Variants in NFASC observed in about 807,000 individuals in gnomAD.
The protein encoded by NFASC is neurofascin homolog.
In NFASC, 43 loss-of-function variants were observed where a neutral mutation model predicts 147.5. The ratio of observed to expected loss-of-function variants is 0.29; its 90% CI spans 0.23 to 0.38. NFASC has a LOEUF of 0.38. NFASC is among the 10% of genes least tolerant of loss of function. The pLI, the probability that NFASC is intolerant of heterozygous loss-of-function variation, is 1.00. For synonymous variants in NFASC, 622 were observed against 665.5 expected (o/e 0.93, Z 1.01); for missense variants, 1,320 against 1,689.0 (o/e 0.78, Z 3.83).
At chr1:204,983,729 G>C (rs934839320) in intron 21 of NFASC, among the ~76,000 whole-genome samples, 3 of 152,182 alleles carry the variant, frequency 2.0e-5, no homozygotes, top group Non-Finnish European at 2.9e-5. Context: ...GACGGAGCAG[G>C]GTGAGGAAGG....
intron 21 of NFASC, chr1:204,984,111 A>T: frequency 6.2e-7 from 1 of 1,614,104 alleles, no homozygotes; most frequent in African/African-American, 1.3e-5. Flanking sequence ...GTCTACTCCG[A>T]CACGGTCCAG....
chr1:204,973,196 G>A (rs1456999920), intron 11 of NFASC, 80 bp from the exon 12 acceptor site: 2 of 1,511,866 alleles, frequency 1.3e-6, no homozygotes, highest in Non-Finnish European at 1.8e-6. Flanking sequence ...CTTGTTCCTG[G>A]GAGCCCTGGC....
At position 204,979,248 on chromosome 1, in the gene NFASC, GCCTT is replaced by G; in HGVS notation, c.1979-113_1979-110del. The G allele has an allele frequency of 9.7e-7, 1 of 1,036,230 alleles. No homozygotes were observed. Among genetic ancestry groups the G allele is most frequent in the Non-Finnish European group, 1.5e-6 (1 of 669,768 alleles). 64.2% of individuals were successfully genotyped at this position (1,036,230 alleles called of 1,614,324 possible). A position where few individuals can be genotyped will look rare whatever the true frequency, so the allele number is the denominator to read the frequency against. ...GTGCCTTGGGAAGAATTCTCCTTGT[GCCTT>G]TGTGTGAGAGAGATTATAAAGATCA... On this transcript the variant is annotated intron_variant, in intron 18 of 29. Coordinates refer to ENST00000339876, the MANE Select transcript of NFASC (RefSeq NM_001005388.3). This position sits in a 1 kb window ranked among gnomAD's most constrained non-coding sequence, Gnocchi z 6.0.
intron 10 of NFASC, among the ~76,000 whole-genome samples, chr1:204,969,379 A>C (rs2095125698): frequency 6.6e-6 from 1 of 152,106 alleles, no homozygotes; most frequent in Non-Finnish European, 1.5e-5. Flanking sequence ...CTGCTTTTTA[A>C]AACTGGGGAG....
At chr1:204,898,209 A>G (rs1489204488) in intron 1 of NFASC, among the ~76,000 whole-genome samples, 4 of 152,376 alleles carry the variant, frequency 2.6e-5, no homozygotes, top group African/African-American at 7.2e-5. Context: ...GAACCGCTGC[A>G]TTAAGGTCAT....
At chr1:204,842,678 C>T (rs1008628561) in intron 1 of NFASC, among the ~76,000 whole-genome samples, 1 of 152,378 alleles carries the variant, frequency 6.6e-6, no homozygotes, top group Non-Finnish European at 1.5e-5. Context: ...TTTATTCCCA[C>T]TGACCTGTGG....
chr1:204,882,393 G>A (rs570995717), intron 1 of NFASC, among the ~76,000 whole-genome samples: 1 of 152,204 alleles, frequency 6.6e-6, no homozygotes, highest in African/African-American at 2.4e-5. Flanking sequence ...TAGCCTTGGG[G>A]CCTTTCCTTT....
chr1:205,017,411 C>T lies in NFASC; in HGVS notation c.*872C>T, dbSNP rs1247718754. On this transcript the variant is annotated 3_prime_UTR_variant, in exon 30 of 30. Transcript: ENST00000339876. ...CTTCAACGCCAGTGACTGTGTACCT[C>T]CAGCAGAAGAAAATCAGGTGTCTGG... The T allele has an allele frequency of 6.5e-6, 1 of 152,882 alleles. No homozygotes were observed. Among genetic ancestry groups the T allele is most frequent in the African/African-American group, 2.4e-5 (1 of 41,454 alleles). 9.5% of individuals were successfully genotyped at this position (152,882 alleles called of 1,614,324 possible).
intron 1 of NFASC, among the ~76,000 whole-genome samples, chr1:204,840,319 T>C (rs887700452): frequency 2.0e-5 from 3 of 152,174 alleles, no homozygotes; most frequent in Non-Finnish European, 2.9e-5. Context: ...CTGTACCAAA[T>C]AAATTGCAAT....
intron 15 of NFASC, among the ~76,000 whole-genome samples, 171 bp from the exon 16 acceptor site, chr1:204,976,500 G>C (rs901766272): frequency 1.6e-4 from 24 of 152,186 alleles, no homozygotes; most frequent in African/African-American, 5.3e-4. Flanking sequence ...GAGTGCTCCA[G>C]GTGACTGTGA....
chr1:204,859,930 G>T (rs2102823935), intron 1 of NFASC, among the ~76,000 whole-genome samples: 1 of 152,316 alleles, frequency 6.6e-6, no homozygotes, highest in Non-Finnish European at 1.5e-5. Flanking sequence ...TTCCTGATGT[G>T]TTGGTTTCCT....
intron 2 of NFASC, among the ~76,000 whole-genome samples, chr1:204,922,715 A>T (rs781192347): frequency 6.6e-6 from 1 of 152,120 alleles, no homozygotes; most frequent in Non-Finnish European, 1.5e-5. Flanking sequence ...GGCACCCACA[A>T]ATCATGAAGG....
chr1:204,936,122 ATTTTCG>A (rs2092802456), intron 2 of NFASC, among the ~76,000 whole-genome samples: 1 of 150,426 alleles, frequency 6.6e-6, no homozygotes, highest in African/African-American at 2.4e-5. Context: ...CCCCTGAGTC[ATTTTCG>A]GAAAACCCAC....
intron 8 of NFASC, among the ~76,000 whole-genome samples, chr1:204,966,320 T>C (rs972425686): frequency 1.3e-5 from 2 of 152,094 alleles, no homozygotes; most frequent in Non-Finnish European, 1.5e-5. Flanking sequence ...AAATTAAACG[T>C]CCATAGGGTC....
At chr1:204,983,775 C>T (rs1249026104) in intron 21 of NFASC, among the ~76,000 whole-genome samples, 2 of 152,180 alleles carry the variant, frequency 1.3e-5, no homozygotes, top group South Asian at 4.1e-4. Context: ...TGGAAACTAC[C>T]CAGCACAGGA....
intron 1 of NFASC, among the ~76,000 whole-genome samples, chr1:204,898,795 T>G (rs2083913437): frequency 6.6e-6 from 1 of 152,180 alleles, no homozygotes; most frequent in Admixed American, 6.5e-5. Flanking sequence ...CCCGTGTAGT[T>G]CATTGATTTC....
Position 204,968,592 on chromosome 1 carries a change from G to T in NFASC, c.819-206G>T, listed in dbSNP as rs573619589. ...AGGTGATTAGGCATCCCGTAGATGCGTTAGAATCTCGTGGGACCTTAGCTA... is the reference window on the plus strand; with the variant it reads ...AGGTGATTAGGCATCCCGTAGATGCTTTAGAATCTCGTGGGACCTTAGCTA... On this transcript the variant is annotated intron_variant, in intron 9 of 29. Coordinates refer to ENST00000339876, the MANE Select transcript of NFASC (RefSeq NM_001005388.3). This position sits in a 1 kb window ranked among gnomAD's most constrained non-coding sequence, Gnocchi z 5.4. The T allele has an allele frequency of 3.2e-6, 2 of 617,132 alleles. No individual in the cohort carries two copies. Among genetic ancestry groups the T allele is most frequent in the South Asian group, 2.0e-5 (1 of 49,902 alleles). 38.2% of individuals were successfully genotyped at this position (617,132 alleles called of 1,614,324 possible).
chr1:204,987,640 A>C lies in NFASC; in HGVS notation c.2593+100A>C. 1 of 1,426,612 alleles carries C rather than the reference A, an allele frequency of 7.0e-7. No individual in the cohort carries two copies. The highest frequency in any genetic ancestry group is 1.7e-5 in the Admixed American group (1 of 57,248). 88.4% of individuals were successfully genotyped at this position (1,426,612 alleles called of 1,614,324 possible). ...CTCAAGGTAGAAAGCCTGTGGGTGC[A>C]GATGGCATTGTGGAGGGATGGAGGG... is the stretch of plus-strand genomic sequence containing the variant. On this transcript the variant is annotated intron_variant, in intron 22 of 29. Transcript: ENST00000339876. The surrounding 1 kb of genome is among the most constrained non-coding windows in gnomAD (Gnocchi z 4.4).
chr1:204,890,565 CTT>C (rs35035513), intron 1 of NFASC, among the ~76,000 whole-genome samples: 19 of 145,958 alleles, frequency 1.3e-4, no homozygotes, highest in East Asian at 4.0e-4. Flanking sequence ...CAGGGAGGCA[CTT>C]TTTTTTTTTT....
Sources: gnomAD v4.1 joint callset for allele counts (sites outside exome capture counted in the v4.1 genomes callset) on GRCh38, gnomAD v4.1.1 for gene constraint, Gnocchi (gnomAD v3.1) non-coding constraint, MANE v1.5 for transcripts, NCBI Gene and HGNC (gene_info 2026-07-23, HGNC 2026-07-21) for gene names.